KIRREL1: variants seen among roughly 807,000 people sequenced by gnomAD.
KIRREL1 encodes the protein kin of IRRE-like protein 1.
A neutral mutation model predicts 83.3 loss-of-function variants in KIRREL1; 25 were observed. The observed-to-expected ratio is 0.30, with a 90% CI of 0.22 to 0.42. The LOEUF (loss-of-function observed/expected upper bound fraction) is 0.42, where lower values mean the gene tolerates loss of function less well. Ranked by LOEUF, KIRREL1 falls within the 10% of genes least tolerant of loss-of-function variation. The pLI is 1.00. For missense variants in KIRREL1, 812 were observed against 1,032.3 expected, an observed-to-expected ratio of 0.79 and a Z score of 2.92; for synonymous variants, 388 against 410.4, an observed-to-expected ratio of 0.95 and a Z score of 0.66.
intron 1 of KIRREL1, among the ~76,000 whole-genome samples, chr1:158,021,452 T>A (rs890911017): frequency 6.6e-6 from 1 of 152,218 alleles, no homozygotes; most frequent in East Asian, 1.9e-4. Flanking sequence ...CTGATTCTGC[T>A]ACTAATAAGC....
chr1:158,031,336 C>T (rs1207101387), intron 1 of KIRREL1, among the ~76,000 whole-genome samples: 1 of 150,396 alleles, frequency 6.6e-6, no homozygotes, highest in Non-Finnish European at 1.5e-5. Flanking sequence ...AACACACACA[C>T]GCGCGTGCAC....
intron 1 of KIRREL1, among the ~76,000 whole-genome samples, chr1:158,033,018 G>C (rs1391126108): frequency 6.6e-6 from 1 of 152,002 alleles, no homozygotes; most frequent in African/African-American, 2.4e-5. Context: ...TGATCTGCCC[G>C]CCTCAGCCTC....
chr1:158,002,019 A>G (rs1659374253), intron 1 of KIRREL1, among the ~76,000 whole-genome samples: 1 of 152,154 alleles, frequency 6.6e-6, no homozygotes, highest in Non-Finnish European at 1.5e-5. Flanking sequence ...AACCCCTCCA[A>G]TTAAAAACAT....
chr1:158,039,291 A>G (rs1195123127), intron 1 of KIRREL1, among the ~76,000 whole-genome samples: 1 of 152,210 alleles, frequency 6.6e-6, no homozygotes, highest in African/African-American at 2.4e-5. Context: ...AATCACTTGG[A>G]AATGTACTTC....
intron 1 of KIRREL1, among the ~76,000 whole-genome samples, chr1:158,037,508 A>G (rs1038769127): frequency 6.6e-6 from 1 of 151,876 alleles, no homozygotes; most frequent in Non-Finnish European, 1.5e-5. Context: ...AAAAAAAAAA[A>G]AAAAGGAAGG....
intron 11 of KIRREL1, among the ~76,000 whole-genome samples, chr1:158,092,385 T>A (rs142535921): frequency 1.4e-5 from 2 of 144,942 alleles, no homozygotes; most frequent in East Asian, 4.2e-4. Flanking sequence ...TCTTGCTCTG[T>A]CGCCCAGGCT....
chr1:158,093,424 C>T lies in KIRREL1; in HGVS notation c.1557C>T (p.Phe519=), dbSNP rs200134786. ...LIFFFIALVF[F]LYRRRKGSRK... ...TCTTCTTCATCGCCTTGGTATTCTT[C>T]CTCTACCGGCGCCGCAAAGGCAGTG... is the stretch of plus-strand genomic sequence containing the variant. The change falls in exon 12 of 15, where the codon TTC becomes TTT. Residue 519 remains phenylalanine (F), a synonymous_variant. Transcript: ENST00000359209. The T allele has an allele frequency of 6.2e-7, 1 of 1,614,210 alleles. No homozygotes were observed. The highest frequency in any genetic ancestry group is 8.5e-7 in the Non-Finnish European group (1 of 1,180,026).
Position 158,094,846 on chromosome 1 carries a change from C to T in KIRREL1, c.2000C>T (p.Pro667Leu), listed in dbSNP as rs1015695155. 6.2e-7 allele frequency: 1 copy of T among 1,613,860 alleles called. No individual in the cohort carries two copies. Among genetic ancestry groups the T allele is most frequent in the African/African-American group, 1.3e-5 (1 of 74,916 alleles). The change falls in exon 15 of 15, where the codon CCC (proline) becomes CTC (leucine). Residue 667 changes from proline to leucine, a missense_variant. By Grantham distance (98) the Pro-to-Leu change is moderately conservative. This residue lies in a region of KIRREL1 where 334 missense variants were observed against 383.7 expected (regional missense o/e 0.87). Coordinates refer to ENST00000359209, the MANE Select transcript of KIRREL1 (RefSeq NM_018240.7). This position sits in a 1 kb window ranked among gnomAD's most constrained non-coding sequence, Gnocchi z 4.6. ...PASDYGPEPT[P>L]PGPAAPAGTD... ...TCTGACTATGGCCCTGAGCCCACAC[C>T]CCCTGGCCCTGCTGCCCCAGCTGGC... is the stretch of plus-strand genomic sequence containing the variant.
At chr1:158,090,063 G>T (rs1233067699) in intron 10 of KIRREL1, among the ~76,000 whole-genome samples, 1 of 152,078 alleles carries the variant, frequency 6.6e-6, no homozygotes, top group African/African-American at 2.4e-5. Flanking sequence ...ATAAAACAGG[G>T]CCAGTAACTC....
chr1:158,078,844 C>G (rs897771640), intron 3 of KIRREL1, among the ~76,000 whole-genome samples: 5 of 152,124 alleles, frequency 3.3e-5, no homozygotes, highest in African/African-American at 9.7e-5. Context: ...ACTGGGGGAC[C>G]GAGCAGATGT....
intron 1 of KIRREL1, among the ~76,000 whole-genome samples, chr1:158,061,633 G>T (rs1169188560): frequency 6.6e-6 from 1 of 152,076 alleles, no homozygotes; most frequent in Admixed American, 6.6e-5. Flanking sequence ...TGGCATCTAG[G>T]GTGGTTCTGA....
At chr1:158,032,993 A>T (rs1230077936) in intron 1 of KIRREL1, among the ~76,000 whole-genome samples, 2 of 151,750 alleles carry the variant, frequency 1.3e-5, no homozygotes, top group East Asian at 2.0e-4. Flanking sequence ...CAGGTCTCGA[A>T]CTCCTGACCT....
rs770654048 is a variant in KIRREL1 at position 158,082,357 on chromosome 1, C to T, written c.353-2065C>T. ...GACTCAGTGATTTTAGGAACTCATCCGAGATCACACAGCAGGTAAACAAAG... is the reference window on the plus strand; with the variant it reads ...GACTCAGTGATTTTAGGAACTCATCTGAGATCACACAGCAGGTAAACAAAG... On this transcript the variant is annotated intron_variant, in intron 3 of 14. Coordinates refer to ENST00000359209, the MANE Select transcript of KIRREL1 (RefSeq NM_018240.7). Among the ~76,000 whole-genome samples, 5 of 151,748 alleles carry T rather than the reference C, an allele frequency of 3.3e-5. No individual in the cohort carries two copies. The East Asian group carries it at 5.8e-4, about 18-fold the overall frequency.
At position 158,099,430 on chromosome 1, in the gene KIRREL1, G is replaced by T. The variant is rs894869435; in HGVS notation, c.*4310G>T. 2.0e-5 allele frequency: 3 copies of T among 152,162 alleles called. No homozygotes were observed. Among genetic ancestry groups the T allele is most frequent in the Admixed American group, 6.6e-5 (1 of 15,266 alleles). The allele number at this position is 152,162 out of a possible 1,614,324, so 9.4% of individuals were successfully genotyped here. A position where few individuals can be genotyped will look rare whatever the true frequency, so the allele number is the denominator to read the frequency against. The stretch of plus-strand genomic sequence containing the variant: ...GAAAGGCATTGGCTCATCTTTGTCA[G>T]CGTGGTCCTGACGTTCACCTCTGGG... On this transcript the variant is annotated 3_prime_UTR_variant, in exon 15 of 15. Coordinates refer to ENST00000359209, the MANE Select transcript of KIRREL1 (RefSeq NM_018240.7).
chr1:158,029,277 C>T (rs1660251651), intron 1 of KIRREL1, among the ~76,000 whole-genome samples: 1 of 151,868 alleles, frequency 6.6e-6, no homozygotes, highest in Non-Finnish European at 1.5e-5. Context: ...CAGTGCTAGA[C>T]CACAGAGTGC....
chr1:158,023,972 A>G (rs993398164), intron 1 of KIRREL1, among the ~76,000 whole-genome samples: 1 of 151,934 alleles, frequency 6.6e-6, no homozygotes, highest in African/African-American at 2.4e-5. Flanking sequence ...TCTTTTGACG[A>G]AGTCTCGCTC....
At chr1:158,019,709 A>G (rs1659947234) in intron 1 of KIRREL1, among the ~76,000 whole-genome samples, 1 of 152,126 alleles carries the variant, frequency 6.6e-6, no homozygotes, top group Non-Finnish European at 1.5e-5. Flanking sequence ...CCAGGCTTGT[A>G]GGATCATTGC....
intron 1 of KIRREL1, among the ~76,000 whole-genome samples, chr1:158,040,229 G>GTAGAT (rs1557999609): frequency 6.6e-6 from 1 of 152,132 alleles, no homozygotes; most frequent in African/African-American, 2.4e-5. Flanking sequence ...CCATTCCTGG[G>GTAGAT]CTTGACCTCC....
chr1:158,003,572 C>CCA (rs202178490), intron 1 of KIRREL1, among the ~76,000 whole-genome samples: 36 of 151,930 alleles, frequency 2.4e-4, no homozygotes, highest in East Asian at 7.7e-4. Context: ...CCTGACCCTC[C>CCA]CACACACACA....
Sources: gnomAD v4.1 joint callset for allele counts (sites outside exome capture counted in the v4.1 genomes callset) on GRCh38, gnomAD v4.1.1 for gene constraint, gnomAD v4.1.1 regional missense constraint, Gnocchi (gnomAD v3.1) non-coding constraint, MANE v1.5 for transcripts, NCBI Gene and HGNC (gene_info 2026-07-23, HGNC 2026-07-21) for gene names.